Variants in SMARCAD1 observed in about 807,000 individuals in gnomAD.
SMARCAD1 encodes the protein SWI/SNF-related matrix-associated actin-dependent regulator of chromatin subfamily A containing DEAD/H box 1.
A neutral mutation model predicts 127.1 loss-of-function variants in SMARCAD1; 25 were observed. The observed-to-expected ratio is 0.20, with a 90% CI of 0.14 to 0.27. The LOEUF (loss-of-function observed/expected upper bound fraction) is 0.27, where lower values mean the gene tolerates loss of function less well. Ranked by LOEUF, SMARCAD1 falls within the 10% of genes least tolerant of loss-of-function variation. The pLI, the probability that SMARCAD1 is intolerant of heterozygous loss-of-function variation, is 1.00. For synonymous variants in SMARCAD1, 400 were observed against 396.9 expected (o/e 1.01, Z -0.09); for missense variants, 807 against 1,206.0 (o/e 0.67, Z 4.90).
At chr4:94,209,021 A>C (rs768252025) in intron 2 of SMARCAD1, among the ~76,000 whole-genome samples, 1 of 152,326 alleles carries the variant, frequency 6.6e-6, no homozygotes, top group Non-Finnish European at 1.5e-5. Context: ...ACACAAGGGA[A>C]GATCAGATCA....
chr4:94,259,970 A>G (rs1028558161), intron 9 of SMARCAD1, among the ~76,000 whole-genome samples: 2 of 152,200 alleles, frequency 1.3e-5, no homozygotes, highest in African/African-American at 4.8e-5. Context: ...ATTAAGATCC[A>G]AGTAAGGTCC....
At chr4:94,256,096 A>G (rs746083580) in intron 9 of SMARCAD1, among the ~76,000 whole-genome samples, 3 of 152,160 alleles carry the variant, frequency 2.0e-5, no homozygotes, top group Admixed American at 1.3e-4. Context: ...GGGAGGGGAT[A>G]TTATTATGTC....
intron 12 of SMARCAD1, among the ~76,000 whole-genome samples, chr4:94,274,285 G>T: frequency 6.6e-6 from 1 of 152,096 alleles, no homozygotes; most frequent in Non-Finnish European, 1.5e-5. Context: ...TAAAGGGTCT[G>T]TGATAAAAAC....
chr4:94,240,089 G>A (rs1011802025), intron 5 of SMARCAD1, among the ~76,000 whole-genome samples: 9 of 152,160 alleles, frequency 5.9e-5, no homozygotes, highest in African/African-American at 2.2e-4. Context: ...ATGTATGTAT[G>A]TATTTGAGCT....
At chr4:94,279,709 A>T (rs573949879) in intron 19 of SMARCAD1, among the ~76,000 whole-genome samples, 8 of 152,138 alleles carry the variant, frequency 5.3e-5, no homozygotes, top group South Asian at 2.1e-4. Flanking sequence ...ACAGTTTGCT[A>T]ACTCCTAGTC....
intron 2 of SMARCAD1, among the ~76,000 whole-genome samples, 184 bp downstream of exon 2, chr4:94,208,768 A>G (rs1225088252): frequency 1.3e-5 from 2 of 152,134 alleles, no homozygotes; most frequent in African/African-American, 4.8e-5. Flanking sequence ...GCATCCATCC[A>G]TTGTCGCCTC....
chr4:94,249,092 A>G (rs1235302984), intron 6 of SMARCAD1, among the ~76,000 whole-genome samples: 1 of 152,148 alleles, frequency 6.6e-6, no homozygotes, highest in Non-Finnish European at 1.5e-5. Flanking sequence ...ATGTATAGCC[A>G]CAATTCTCAT....
At chr4:94,288,004 T>A (rs547056157) in intron 23 of SMARCAD1, among the ~76,000 whole-genome samples, 106 of 151,968 alleles carry the variant, frequency 7.0e-4, no homozygotes, top group Non-Finnish European at 1.0e-3. Context: ...ATATATATAT[T>A]TTTTTAATTG....
chr4:94,253,587 G>A, intron 9 of SMARCAD1: 1 of 1,042,504 alleles, frequency 9.6e-7, no homozygotes, highest in Non-Finnish European at 1.2e-6. Flanking sequence ...AGTGTAGCAG[G>A]CTGCAGCGTT....
At chr4:94,221,986 G>A (rs6811367) in intron 2 of SMARCAD1, among the ~76,000 whole-genome samples, 21,980 of 152,132 alleles carry the variant, frequency 0.14, 1,813 homozygotes, top group Non-Finnish European at 0.19. Context: ...ACATATGGGG[G>A]GTGTAAAACT....
At chr4:94,269,496 T>G (rs887039939) in intron 10 of SMARCAD1, among the ~76,000 whole-genome samples, 3 of 150,638 alleles carry the variant, frequency 2.0e-5, no homozygotes, top group Admixed American at 6.6e-5. Flanking sequence ...AAATTAAGTT[T>G]TTTTTTTTTT....
At chr4:94,278,194 C>T (rs887878417) in intron 16 of SMARCAD1, among the ~76,000 whole-genome samples, 6 of 152,248 alleles carry the variant, frequency 3.9e-5, no homozygotes, top group African/African-American at 1.2e-4. Flanking sequence ...TTGATTACTT[C>T]AGTAGAGAAC....
intron 22 of SMARCAD1, among the ~76,000 whole-genome samples, chr4:94,284,550 A>C (rs1754642011): frequency 6.9e-6 from 1 of 145,702 alleles, no homozygotes; most frequent in African/African-American, 2.6e-5. Context: ...GGTGTGTGCC[A>C]CCACACCCAG....
At chr4:94,281,093 GTTAT>G (rs1348989324) in intron 20 of SMARCAD1, among the ~76,000 whole-genome samples, 7 of 152,136 alleles carry the variant, frequency 4.6e-5, no homozygotes, top group Admixed American at 4.6e-4. Context: ...CTATTTGTTA[GTTAT>G]TTAAGTAATG....
intron 6 of SMARCAD1, among the ~76,000 whole-genome samples, chr4:94,244,755 T>C (rs928174210): frequency 7.0e-6 from 1 of 142,042 alleles, no homozygotes; most frequent in African/African-American, 2.6e-5. Flanking sequence ...CCCAAAACAT[T>C]AAAAAAAAAA....
At chr4:94,286,934 C>T (rs1197989137) in intron 23 of SMARCAD1, among the ~76,000 whole-genome samples, 4 of 152,094 alleles carry the variant, frequency 2.6e-5, no homozygotes, top group African/African-American at 9.7e-5. Flanking sequence ...GCGCAATCTC[C>T]GCGCACTGCA....
At chr4:94,242,080 C>CTGGA (rs1747667861) in intron 6 of SMARCAD1, among the ~76,000 whole-genome samples, 1 of 152,008 alleles carries the variant, frequency 6.6e-6, no homozygotes, top group Admixed American at 6.6e-5. Flanking sequence ...CTGTCCCAGG[C>CTGGA]TGGAGTACAG....
intron 23 of SMARCAD1, among the ~76,000 whole-genome samples, chr4:94,288,951 T>C (rs1203523671): frequency 1.3e-5 from 2 of 152,140 alleles, no homozygotes; most frequent in Non-Finnish European, 2.9e-5. Flanking sequence ...AGGGCAAACA[T>C]TGGATAAACC....
At chr4:94,238,043 GT>G (rs1746973341) in intron 5 of SMARCAD1, among the ~76,000 whole-genome samples, 1 of 151,820 alleles carries the variant, frequency 6.6e-6, no homozygotes, top group Admixed American at 6.6e-5. Flanking sequence ...TTTTTTCGAG[GT>G]TTAAAATATG....
Sources: gnomAD v4.1 joint callset for allele counts (sites outside exome capture counted in the v4.1 genomes callset) on GRCh38, gnomAD v4.1.1 for gene constraint, MANE v1.5 for transcripts, NCBI Gene and HGNC (gene_info 2026-07-23, HGNC 2026-07-21) for gene names.